MDGA2: variants seen among roughly 807,000 people sequenced by gnomAD.
MDGA2 encodes MAM domain containing glycosylphosphatidylinositol anchor 2.
Under a neutral mutation model 117.8 loss-of-function variants are expected in MDGA2, and 40 were observed. The ratio of observed to expected loss-of-function variants is 0.34; its 90% CI spans 0.26 to 0.44. The LOEUF (loss-of-function observed/expected upper bound fraction) is 0.44, where lower values mean the gene tolerates loss of function less well. MDGA2 is among the 20% of genes least tolerant of loss of function. The pLI is 1.00. For missense variants in MDGA2, 1,123 were observed against 1,250.6 expected, an observed-to-expected ratio of 0.90 and a Z score of 1.54; for synonymous variants, 452 against 439.0, an observed-to-expected ratio of 1.03 and a Z score of -0.37.
chr14:47,344,694 A>T (rs1378013391), intron 1 of MDGA2, among the ~76,000 whole-genome samples: 3 of 152,032 alleles, frequency 2.0e-5, no homozygotes, highest in African/African-American at 7.2e-5. Context: ...ATATTTATTA[A>T]CCTATATAAA....
intron 1 of MDGA2, among the ~76,000 whole-genome samples, chr14:47,411,995 G>A (rs530271499): frequency 6.6e-6 from 1 of 152,254 alleles, no homozygotes; most frequent in East Asian, 1.9e-4. Flanking sequence ...CAAAATCACA[G>A]TTAAGAAGCC....
intron 14 of MDGA2, among the ~76,000 whole-genome samples, chr14:46,864,543 CTG>C (rs1365310146): frequency 5.8e-5 from 1 of 17,192 alleles, no homozygotes; most frequent in Non-Finnish European, 1.2e-4. Context: ...GCAGATATTG[CTG>C]TTTTTTTTTT....
chr14:47,417,060 T>C (rs1298858868), intron 1 of MDGA2, among the ~76,000 whole-genome samples: 1 of 152,210 alleles, frequency 6.6e-6, no homozygotes, highest in Non-Finnish European at 1.5e-5. Flanking sequence ...GGTCTCATTG[T>C]CTTGATGAGT....
chr14:46,935,591 G>T (rs886677132), intron 9 of MDGA2, among the ~76,000 whole-genome samples: 8 of 151,940 alleles, frequency 5.3e-5, no homozygotes, highest in Admixed American at 4.6e-4. Flanking sequence ...CCTCTTTCTG[G>T]GAATCCCCAA....
intron 1 of MDGA2, among the ~76,000 whole-genome samples, chr14:47,458,859 A>C (rs188690125): frequency 6.6e-6 from 1 of 151,678 alleles, no homozygotes; most frequent in Non-Finnish European, 1.5e-5. Context: ...TCTGGGACTG[A>C]AAGAATATAC....
chr14:47,067,490 G>T (rs940709092), intron 6 of MDGA2, among the ~76,000 whole-genome samples: 5 of 152,154 alleles, frequency 3.3e-5, no homozygotes, highest in African/African-American at 4.8e-5. Flanking sequence ...AAAGGGCTTG[G>T]GAATGATCTT....
chr14:47,475,754 T>C (rs1390526476), intron 1 of MDGA2, among the ~76,000 whole-genome samples: 1 of 152,082 alleles, frequency 6.6e-6, no homozygotes, highest in Non-Finnish European at 1.5e-5. Context: ...TGTTCTCACT[T>C]ATAAGGGGGA....
At chr14:46,922,884 C>T (rs1460164589) in intron 9 of MDGA2, among the ~76,000 whole-genome samples, 2 of 152,100 alleles carry the variant, frequency 1.3e-5, no homozygotes, top group South Asian at 2.1e-4. Flanking sequence ...GCGGATGGAG[C>T]GAAGTAGGAT....
chr14:47,616,217 G>A (rs957201631), intron 1 of MDGA2, among the ~76,000 whole-genome samples: 3 of 152,174 alleles, frequency 2.0e-5, no homozygotes, highest in African/African-American at 7.2e-5. Flanking sequence ...GTAAGTGTCT[G>A]CACATTGTCT....
chr14:47,519,047 T>C (rs1894814116), intron 1 of MDGA2, among the ~76,000 whole-genome samples: 1 of 151,870 alleles, frequency 6.6e-6, no homozygotes, highest in Non-Finnish European at 1.5e-5. Context: ...CTACTAAAAA[T>C]ACAAAAATTG....
intron 8 of MDGA2, among the ~76,000 whole-genome samples, chr14:46,976,368 A>G (rs913181679): frequency 6.6e-6 from 1 of 152,112 alleles, no homozygotes; most frequent in African/African-American, 2.4e-5. Context: ...CATTACTGTA[A>G]AGTTTAAAAA....
chr14:47,617,245 G>A (rs1042601330), intron 1 of MDGA2, among the ~76,000 whole-genome samples: 5 of 150,082 alleles, frequency 3.3e-5, no homozygotes, highest in Non-Finnish European at 5.9e-5. Context: ...TCGCTCTGTC[G>A]CCTAGGCTGG....
At chr14:47,627,261 A>T (rs1245737407) in intron 1 of MDGA2, among the ~76,000 whole-genome samples, 1 of 151,942 alleles carries the variant, frequency 6.6e-6, no homozygotes, top group Non-Finnish European at 1.5e-5. Flanking sequence ...TCTGGTGGGG[A>T]CTTGGAGAAC....
At chr14:46,923,484 A>C (rs892021216) in intron 9 of MDGA2, among the ~76,000 whole-genome samples, 20 of 152,170 alleles carry the variant, frequency 1.3e-4, no homozygotes, top group African/African-American at 4.8e-4. Flanking sequence ...ATTAGAAAAT[A>C]AAGTTTTTTT....
At position 47,090,593 on chromosome 14, in the gene MDGA2, G is replaced by C. The variant is rs1416651926; in HGVS notation, c.1195+6261C>G. 2.0e-5 allele frequency among the ~76,000 whole-genome samples: 3 copies of C among 152,190 alleles called. No individual in the cohort carries two copies. The East Asian group carries it at 5.8e-4, about 29-fold the overall frequency. On this transcript the variant is annotated intron_variant, in intron 6 of 16. Transcript: ENST00000399232. ...ACTACAGTGGCTTTAAAATGTGTCTGTTCCATAACAGGGTAGAGATATTTG... is the reference window on the plus strand; with the variant it reads ...ACTACAGTGGCTTTAAAATGTGTCTCTTCCATAACAGGGTAGAGATATTTG...
At chr14:47,147,116 T>G (rs992766119) in intron 3 of MDGA2, among the ~76,000 whole-genome samples, 2 of 151,964 alleles carry the variant, frequency 1.3e-5, no homozygotes, top group Admixed American at 6.6e-5. Context: ...AGGGAGATTA[T>G]ATATGTATGT....
chr14:46,969,600 TG>T (rs1324031906), intron 8 of MDGA2, among the ~76,000 whole-genome samples: 1 of 152,086 alleles, frequency 6.6e-6, no homozygotes, highest in African/African-American at 2.4e-5. Flanking sequence ...TGGGGTTGTT[TG>T]TTTTTTTCTT....
intron 1 of MDGA2, among the ~76,000 whole-genome samples, chr14:47,663,412 TA>T (rs1897886473): frequency 6.6e-6 from 1 of 152,202 alleles, no homozygotes; most frequent in Non-Finnish European, 1.5e-5. Context: ...ATTGAGTTAA[TA>T]TTCAGACATG....
chr14:47,239,924 C>A (rs1305288184), intron 2 of MDGA2, among the ~76,000 whole-genome samples: 1 of 151,646 alleles, frequency 6.6e-6, no homozygotes, highest in African/African-American at 2.4e-5. Context: ...CTATATATTT[C>A]AGTCCTTGAA....
Sources: gnomAD v4.1 joint callset for allele counts (sites outside exome capture counted in the v4.1 genomes callset) on GRCh38, gnomAD v4.1.1 for gene constraint, MANE v1.5 for transcripts, NCBI Gene and HGNC (gene_info 2026-07-23, HGNC 2026-07-21) for gene names.